Variants in MYZAP observed in about 807,000 individuals in gnomAD.
MYZAP encodes GRINL1A complex locus upstream.
Under a neutral mutation model 69.4 loss-of-function variants are expected in MYZAP, and 66 were observed. The observed-to-expected ratio is 0.95, with a 90% confidence interval of 0.78 to 1.17. The LOEUF is 1.17. MYZAP is among the 50% of genes most tolerant of loss of function. The pLI, the probability that MYZAP is intolerant of heterozygous loss-of-function variation, is 0.00. For missense variants in MYZAP, 611 were observed against 556.2 expected, an observed-to-expected ratio of 1.10 and a Z score of -0.99; for synonymous variants, 256 against 205.9, an observed-to-expected ratio of 1.24 and a Z score of -2.09.
chr15:57,618,005 C>CT (rs1299267631), intron 2 of MYZAP, 28 bp from the exon 3 acceptor site: 17 of 1,605,082 alleles, frequency 1.1e-5, no homozygotes, highest in Non-Finnish European at 1.4e-5. Flanking sequence ...AGTCATTATT[C>CT]TTTTTTTCTT....
At chr15:57,662,469 T>C (rs1483911158) in intron 11 of MYZAP, among the ~76,000 whole-genome samples, 1 of 152,180 alleles carries the variant, frequency 6.6e-6, no homozygotes, top group Non-Finnish European at 1.5e-5. Flanking sequence ...GGAATCCAAC[T>C]TACCCAAGTG....
chr15:57,647,624 C>G (rs2733598), intron 10 of MYZAP: 1 of 985,160 alleles, frequency 1.0e-6, no homozygotes. Context: ...GGCTATGAAC[C>G]GTACCTGGAG....
intron 12 of MYZAP, among the ~76,000 whole-genome samples, chr15:57,682,841 C>T (rs1230495613): frequency 2.0e-5 from 3 of 152,228 alleles, no homozygotes; most frequent in Middle Eastern, 3.4e-3. Flanking sequence ...TCCTGGAGTT[C>T]CCATCCCCGC....
chr15:57,679,375 T>TGTGTGTGTGTGTGTGTGTG (rs1555465672), intron 12 of MYZAP, among the ~76,000 whole-genome samples: 136 of 115,056 alleles, frequency 1.2e-3, no homozygotes, highest in South Asian at 3.7e-3. Flanking sequence ...TGTGTGTGTG[T>TGTGTGTGTGTGTGTGTGTG]TTCTCTCTCT....
chr15:57,616,742 G>A (rs536479959), intron 2 of MYZAP, among the ~76,000 whole-genome samples: 1 of 151,014 alleles, frequency 6.6e-6, no homozygotes, highest in South Asian at 2.1e-4. Context: ...CCAGGGAGGT[G>A]GAGGTTGCAG....
At chr15:57,661,143 G>T (rs12148450) in intron 10 of MYZAP, among the ~76,000 whole-genome samples, 3 of 152,158 alleles carry the variant, frequency 2.0e-5, no homozygotes, top group African/African-American at 7.2e-5. Context: ...AGCAAAATCA[G>T]TGTGGAAATG....
intron 10 of MYZAP, among the ~76,000 whole-genome samples, chr15:57,644,133 A>G (rs917982678): frequency 8.7e-4 from 132 of 152,302 alleles, no homozygotes; most frequent in African/African-American, 3.1e-3. Context: ...AAGTGATTCT[A>G]ATATACAGCC....
chr15:57,662,176 G>T (rs767866564), intron 11 of MYZAP, among the ~76,000 whole-genome samples: 3 of 152,182 alleles, frequency 2.0e-5, no homozygotes, highest in Non-Finnish European at 4.4e-5. Flanking sequence ...ATATTATGGG[G>T]TTGGAAGAAC....
At chr15:57,632,660 G>A in intron 7 of MYZAP, 101 bp downstream of exon 7, 1 of 1,532,726 alleles carries the variant, frequency 6.5e-7, no homozygotes, top group Non-Finnish European at 8.8e-7. Flanking sequence ...AGGTGGGTCA[G>A]TAGACTCAGC....
At chr15:57,679,380 C>G (rs200701663) in intron 12 of MYZAP, among the ~76,000 whole-genome samples, 580 of 45,826 alleles carry the variant, frequency 0.013, 6 homozygotes, top group African/African-American at 0.024. Context: ...GTGTGTTTCT[C>G]TCTCTCTCTC....
intron 1 of MYZAP, chr15:57,599,531 A>T (rs1478105833): frequency 7.2e-6 from 9 of 1,252,418 alleles, no homozygotes; most frequent in Non-Finnish European, 9.3e-6. Context: ...TCAGGGTAGG[A>T]TGCAGTTCTT....
At chr15:57,613,660 C>T (rs575244549) in intron 2 of MYZAP, among the ~76,000 whole-genome samples, 2 of 151,950 alleles carry the variant, frequency 1.3e-5, no homozygotes, top group African/African-American at 4.8e-5. Flanking sequence ...CATGAGACAC[C>T]GTGCCTGGCC....
intron 10 of MYZAP, chr15:57,647,785 G>C (rs753628938): frequency 1.5e-5 from 15 of 985,238 alleles, no homozygotes; most frequent in Non-Finnish European, 1.7e-5. Flanking sequence ...TCTTAGATCT[G>C]GGTTCCTTGC....
chr15:57,608,183 C>T (rs1289585808), intron 2 of MYZAP, among the ~76,000 whole-genome samples: 1 of 152,180 alleles, frequency 6.6e-6, no homozygotes, highest in Non-Finnish European at 1.5e-5. Flanking sequence ...ATGAGGGCAG[C>T]CTGGGCCTTC....
At chr15:57,594,879 G>A (rs1214889901) in intron 1 of MYZAP, among the ~76,000 whole-genome samples, 6 of 152,186 alleles carry the variant, frequency 3.9e-5, no homozygotes, top group Non-Finnish European at 1.5e-5. Flanking sequence ...AAGTTGTTCA[G>A]CAAATACTGT....
At chr15:57,680,527 G>A (rs1289769863) in intron 12 of MYZAP, among the ~76,000 whole-genome samples, 28 of 148,572 alleles carry the variant, frequency 1.9e-4, no homozygotes, top group Non-Finnish European at 1.5e-5. Flanking sequence ...AAATGTATGT[G>A]TGTATTTAAA....
At chr15:57,593,526 A>G (rs1157628346) in intron 1 of MYZAP, among the ~76,000 whole-genome samples, 1 of 152,210 alleles carries the variant, frequency 6.6e-6, no homozygotes, top group East Asian at 1.9e-4. Flanking sequence ...TAGTTGGGGT[A>G]CCTAACCTAA....
intron 10 of MYZAP, among the ~76,000 whole-genome samples, chr15:57,655,582 C>G (rs2037972278): frequency 6.6e-6 from 1 of 150,966 alleles, no homozygotes; most frequent in African/African-American, 2.4e-5. Flanking sequence ...GCAGGTAACT[C>G]GATTGTAGCT....
chr15:57,611,041 A>G (rs1399796488), intron 2 of MYZAP, among the ~76,000 whole-genome samples: 5 of 152,152 alleles, frequency 3.3e-5, no homozygotes, highest in Non-Finnish European at 7.3e-5. Flanking sequence ...GTAGGAACCC[A>G]TATACTCAAA....
Sources: allele counts gnomAD v4.1 joint callset (sites outside exome capture counted in the v4.1 genomes callset), GRCh38; gene constraint gnomAD v4.1.1; transcripts MANE v1.5; gene names NCBI Gene and HGNC (gene_info 2026-07-23, HGNC 2026-07-21).